CSMD1: variants seen among roughly 807,000 people sequenced by gnomAD.
CSMD1 encodes the protein CUB and sushi domain-containing protein 1.
A neutral mutation model predicts 417.5 loss-of-function variants in CSMD1; 213 were observed. The ratio of observed to expected loss-of-function variants is 0.51; its 90% CI spans 0.46 to 0.57. CSMD1 has a LOEUF of 0.57. Ranked by LOEUF, CSMD1 falls within the 20% of genes least tolerant of loss-of-function variation. CSMD1 has a pLI of 0.00. For missense variants in CSMD1, 6,923 were observed against 4,529.7 expected, an observed-to-expected ratio of 1.53 and a Z score of -15.17; for synonymous variants, 2,862 against 1,736.8, an observed-to-expected ratio of 1.65 and a Z score of -16.11.
At chr8:3,331,340 G>A (rs1353592433) in intron 23 of CSMD1, among the ~76,000 whole-genome samples, 4 of 152,122 alleles carry the variant, frequency 2.6e-5, no homozygotes, top group Admixed American at 6.5e-5. Context: ...TGTAACCAGA[G>A]GCACTGATCA....
At chr8:4,878,380 C>A (rs913250220) in intron 1 of CSMD1, among the ~76,000 whole-genome samples, 3 of 151,900 alleles carry the variant, frequency 2.0e-5, no homozygotes, top group African/African-American at 7.3e-5. Context: ...CTAAACTATA[C>A]CATTAAATAT....
chr8:3,357,319 TG>T (rs1297387087), intron 21 of CSMD1, among the ~76,000 whole-genome samples: 7 of 152,242 alleles, frequency 4.6e-5, no homozygotes, highest in Non-Finnish European at 5.9e-5. Context: ...TCTGTGTCCT[TG>T]GGCAAAGTTT....
At chr8:3,819,640 G>A (rs1801606633) in intron 5 of CSMD1, among the ~76,000 whole-genome samples, 2 of 152,082 alleles carry the variant, frequency 1.3e-5, no homozygotes. Context: ...CTGGAGTACA[G>A]TGGAGCAATC....
rs529131711 is a variant in CSMD1, at chr8:4,070,543, G to C, written c.416-38444C>G. Among the ~76,000 whole-genome samples, 771 of 152,176 alleles carry C rather than the reference G, an allele frequency of 5.1e-3. 5 individuals are homozygous for C. The highest frequency in any genetic ancestry group is 0.017 in the African/African-American group (716 of 41,516). Reference sequence around the variant, plus strand: ...CGGCTATTTTTTTGTATTTTTAGTAGAGACGGGGTTTCACCGTGTTAGCCA... The same window carrying C: ...CGGCTATTTTTTTGTATTTTTAGTACAGACGGGGTTTCACCGTGTTAGCCA... On this transcript the variant is annotated intron_variant, in intron 3 of 69. Coordinates refer to ENST00000635120, the MANE Select transcript of CSMD1 (RefSeq NM_033225.6).
intron 10 of CSMD1, among the ~76,000 whole-genome samples, chr8:3,573,243 T>G (rs1194314818): frequency 6.6e-6 from 1 of 152,212 alleles, no homozygotes; most frequent in East Asian, 1.9e-4. Flanking sequence ...TTACTATATC[T>G]CTTTGCCCAA....
intron 10 of CSMD1, among the ~76,000 whole-genome samples, chr8:3,556,030 A>C (rs993166857): frequency 4.6e-5 from 7 of 152,174 alleles, no homozygotes; most frequent in Non-Finnish European, 1.0e-4. Flanking sequence ...TAGAATATAG[A>C]GGAATTTGAC....
intron 1 of CSMD1, among the ~76,000 whole-genome samples, chr8:4,753,670 G>A (rs563036226): frequency 1.3e-5 from 2 of 152,124 alleles, no homozygotes; most frequent in East Asian, 1.9e-4. Flanking sequence ...TTCTTCTCAG[G>A]TTCCCTGGTG....
chr8:3,678,685 G>C (rs1336528916), intron 7 of CSMD1, among the ~76,000 whole-genome samples: 1 of 151,940 alleles, frequency 6.6e-6, no homozygotes, highest in African/African-American at 2.4e-5. Flanking sequence ...AAACACAGAG[G>C]ACGCCACAAA....
intron 3 of CSMD1, among the ~76,000 whole-genome samples, chr8:4,261,393 G>C (rs995267677): frequency 2.0e-5 from 3 of 152,160 alleles, no homozygotes; most frequent in African/African-American, 7.2e-5. Flanking sequence ...CAGAATGGTA[G>C]TTGCCAGGGG....
intron 7 of CSMD1, among the ~76,000 whole-genome samples, chr8:3,685,772 C>A (rs528329761): frequency 6.6e-6 from 1 of 151,860 alleles, no homozygotes; most frequent in Non-Finnish European, 1.5e-5. Flanking sequence ...TTTTTAATTT[C>A]TATGGGTACA....
intron 3 of CSMD1, among the ~76,000 whole-genome samples, chr8:4,227,902 C>G (rs1022860310): frequency 6.6e-6 from 1 of 151,168 alleles, no homozygotes; most frequent in East Asian, 2.0e-4. Flanking sequence ...TGGAGACACA[C>G]CCTCCACCCC....
intron 3 of CSMD1, among the ~76,000 whole-genome samples, chr8:4,243,644 T>G (rs1397970307): frequency 1.3e-5 from 2 of 152,146 alleles, no homozygotes; most frequent in African/African-American, 4.8e-5. Context: ...TATTACAGTT[T>G]CTTAAAACAC....
chr8:4,420,331 G>C (rs780050101), intron 2 of CSMD1, among the ~76,000 whole-genome samples: 2 of 151,732 alleles, frequency 1.3e-5, no homozygotes, highest in African/African-American at 4.8e-5. Context: ...TGTCTTAAAT[G>C]CTCCTCGTTT....
intron 2 of CSMD1, among the ~76,000 whole-genome samples, chr8:4,537,230 G>C (rs1327249238): frequency 6.6e-6 from 1 of 152,116 alleles, no homozygotes; most frequent in Non-Finnish European, 1.5e-5. Context: ...ATTTGATTTA[G>C]AGGAAACTGA....
rs1563342476 is a variant in CSMD1, at chr8:3,394,054, A to ATATG, written c.2593+2139_2593+2140insCATA. Among the ~76,000 whole-genome samples, 631 of 127,544 alleles carry ATATG rather than the reference A, an allele frequency of 4.9e-3. 3 individuals carry two copies. Among genetic ancestry groups the ATATG allele is most frequent in the Non-Finnish European group, 9.4e-3 (550 of 58,386 alleles). 83.7% of individuals were successfully genotyped at this position (127,544 alleles called of 152,430 possible). ...TATATATATATATATATATATATAT[A>ATATG]TAGAAAAAAAGAAAAATGGCAAAGA... On this transcript the variant is annotated intron_variant, in intron 17 of 69. Transcript: ENST00000635120.
intron 10 of CSMD1, among the ~76,000 whole-genome samples, chr8:3,518,126 T>A (rs1253120198): frequency 6.6e-6 from 1 of 150,676 alleles, no homozygotes; most frequent in African/African-American, 2.4e-5. Context: ...CAAAACAATA[T>A]TAACTATTTC....
chr8:4,648,051 A>G (rs558980757), intron 1 of CSMD1, among the ~76,000 whole-genome samples: 149 of 152,190 alleles, frequency 9.8e-4, no homozygotes, highest in African/African-American at 3.3e-3. Flanking sequence ...AAGTGTTTCT[A>G]TTTCTCCACA....
chr8:3,327,670 G>C (rs1037088343), intron 23 of CSMD1, among the ~76,000 whole-genome samples: 5 of 152,162 alleles, frequency 3.3e-5, no homozygotes, highest in Admixed American at 6.5e-5. Flanking sequence ...TGGGGGAATA[G>C]AACCGAAGAA....
chr8:3,126,380 T>C (rs990857567), intron 41 of CSMD1, among the ~76,000 whole-genome samples: 5 of 152,238 alleles, frequency 3.3e-5, no homozygotes, highest in Admixed American at 1.3e-4. Flanking sequence ...AGGAGGCTAC[T>C]GCTTCTGGTG....
Sources: allele counts gnomAD v4.1 joint callset (sites outside exome capture counted in the v4.1 genomes callset), GRCh38; gene constraint gnomAD v4.1.1; transcripts MANE v1.5; gene names NCBI Gene and HGNC (gene_info 2026-07-23, HGNC 2026-07-21).